The following LRRC4C variants were observed in gnomAD, a reference collection of about 807,000 sequenced individuals.
The protein encoded by LRRC4C is leucine-rich repeat-containing protein 4C.
LRRC4C carries 5 observed loss-of-function variants against 33.6 expected under a neutral mutation model. The ratio of observed to expected loss-of-function variants is 0.15; its 90% CI spans 0.08 to 0.31. The LOEUF (loss-of-function observed/expected upper bound fraction) is 0.31. Among genes scored for constraint, LRRC4C ranks in the 10% least tolerant of loss-of-function variants. The probability of loss-of-function intolerance (pLI) is 1.00; values close to 1 mark genes in which losing one functional copy is unlikely to be tolerated. For missense variants in LRRC4C, 560 were observed against 796.7 expected (o/e 0.70, Z 3.58); for synonymous variants, 329 against 302.0 (o/e 1.09, Z -0.93).
At chr11:41,304,249 T>C (rs1322075222) in intron 1 of LRRC4C, among the ~76,000 whole-genome samples, 6,641 of 45,532 alleles carry the variant, frequency 0.15, no homozygotes, top group Admixed American at 0.2. Context: ...CCCAGCCAGC[T>C]GCCCCGTCTG....
At chr11:41,091,617 A>C (rs1940422713) in intron 1 of LRRC4C, among the ~76,000 whole-genome samples, 1 of 152,142 alleles carries the variant, frequency 6.6e-6, no homozygotes, top group South Asian at 2.1e-4. Flanking sequence ...GTATACCTTG[A>C]CTACTATTTG....
rs527605922 is a variant in LRRC4C, at chr11:40,658,064, T to C, written c.-406-9786A>G. Among the ~76,000 whole-genome samples, 12 of 152,354 alleles carry C rather than the reference T, an allele frequency of 7.9e-5. No individual in the cohort carries two copies. The East Asian group carries it at 1.5e-3, about 20-fold the overall frequency. ...CCACATACCTGAATCAAAGAGTCAA[T>C]ATTTTCTAAGAAGCAAAACATCATT... is the stretch of plus-strand genomic sequence containing the variant. On this transcript the variant is annotated intron_variant, in intron 2 of 6. Coordinates refer to ENST00000528697, the MANE Select transcript of LRRC4C (RefSeq NM_001258419.2).
intron 3 of LRRC4C, among the ~76,000 whole-genome samples, chr11:40,597,168 A>C (rs1959423075): frequency 6.6e-6 from 1 of 152,168 alleles, no homozygotes; most frequent in Non-Finnish European, 1.5e-5. Flanking sequence ...AGACTATTAA[A>C]AGGGTAAATA....
At chr11:40,640,501 C>A (rs957903131) in intron 3 of LRRC4C, among the ~76,000 whole-genome samples, 1 of 151,360 alleles carries the variant, frequency 6.6e-6, no homozygotes, top group African/African-American at 2.4e-5. Context: ...ATAAACTATA[C>A]GTTTTCTATA....
At chr11:40,752,777 T>C (rs1948756204) in intron 2 of LRRC4C, among the ~76,000 whole-genome samples, 1 of 152,222 alleles carries the variant, frequency 6.6e-6, no homozygotes, top group South Asian at 2.1e-4. Context: ...TGGGAATTTA[T>C]CCAAAGGAAA....
At chr11:40,664,217 T>A (rs983962142) in intron 2 of LRRC4C, among the ~76,000 whole-genome samples, 12 of 152,282 alleles carry the variant, frequency 7.9e-5, no homozygotes, top group African/African-American at 2.6e-4. Context: ...TTATATAGCA[T>A]TTAACTACAA....
chr11:40,944,818 G>T (rs1958317123), intron 1 of LRRC4C, among the ~76,000 whole-genome samples: 1 of 152,112 alleles, frequency 6.6e-6, no homozygotes, highest in Non-Finnish European at 1.5e-5. Flanking sequence ...CCATATATTA[G>T]CATTTAACAA....
At chr11:41,090,045 C>T (rs979710366) in intron 1 of LRRC4C, among the ~76,000 whole-genome samples, 2 of 151,796 alleles carry the variant, frequency 1.3e-5, no homozygotes, top group African/African-American at 4.8e-5. Context: ...GACTAAATGT[C>T]CAAATATAGG....
chr11:41,217,767 A>G (rs1360176853), intron 1 of LRRC4C, among the ~76,000 whole-genome samples: 1 of 152,190 alleles, frequency 6.6e-6, no homozygotes, highest in Non-Finnish European at 1.5e-5. Flanking sequence ...TGTGATGAAT[A>G]TGTTAAAGAC....
At chr11:40,469,054 C>T (rs1438315557) in intron 3 of LRRC4C, among the ~76,000 whole-genome samples, 1 of 152,174 alleles carries the variant, frequency 6.6e-6, no homozygotes, top group Non-Finnish European at 1.5e-5. Context: ...AATAAAGGCA[C>T]TTATGTGTAC....
At chr11:41,034,453 CACA>C (rs1856916630) in intron 1 of LRRC4C, among the ~76,000 whole-genome samples, 2 of 146,094 alleles carry the variant, frequency 1.4e-5, no homozygotes, top group Admixed American at 6.9e-5. Flanking sequence ...CACACACACA[CACA>C]CCATATATAT....
At chr11:40,661,568 A>T (rs2136212839) in intron 2 of LRRC4C, among the ~76,000 whole-genome samples, 1 of 152,314 alleles carries the variant, frequency 6.6e-6, no homozygotes, top group South Asian at 2.1e-4. Context: ...ACCTTGAGCT[A>T]GTTACTCTCT....
At chr11:40,324,835 G>T (rs1590319954) in intron 3 of LRRC4C, among the ~76,000 whole-genome samples, 1 of 152,256 alleles carries the variant, frequency 6.6e-6, no homozygotes. Context: ...GCTTTGGATT[G>T]GGGATTCAAA....
In LRRC4C at chr11:41,392,344, T is replaced by C. The variant is rs140495681; in HGVS notation, c.-496+67087A>G. On this transcript the variant is annotated intron_variant, in intron 1 of 6. Transcript: ENST00000528697. ...ACTGTTTTTGTACAAGTGTTTAACC[T>C]GGACTTATTCTCACAACCATTTAAC... Among the ~76,000 whole-genome samples the C allele has an allele frequency of 2.3e-3, 354 of 151,982 alleles. 1 individual carries two copies. The highest frequency in any genetic ancestry group is 4.9e-3 in the Admixed American group (75 of 15,214).
chr11:40,588,994 T>C (rs1229908363), intron 3 of LRRC4C, among the ~76,000 whole-genome samples: 6 of 152,048 alleles, frequency 3.9e-5, no homozygotes, highest in African/African-American at 1.2e-4. Context: ...CTATTAGGTC[T>C]GCTTGGTGCA....
Position 40,539,384 on chromosome 11 carries a change from C to G in LRRC4C, c.-270+108758G>C, listed in dbSNP as rs140617703. Among the ~76,000 whole-genome samples the G allele has an allele frequency of 9.8e-3, 1,485 of 152,222 alleles. 17 individuals are homozygous for G. The highest frequency in any genetic ancestry group is 0.03 in the African/African-American group (1,257 of 41,538). ...TTACCTATTTCCATCTCTTTTCTAT[C>G]TGCTAGAATCCTAAAGTTCATAGAT... On this transcript the variant is annotated intron_variant, in intron 3 of 6. Transcript: ENST00000528697.
intron 2 of LRRC4C, among the ~76,000 whole-genome samples, chr11:40,783,270 GTTTTATTTTATTTTA>G (rs140877222): frequency 3.3e-5 from 5 of 150,284 alleles, no homozygotes; most frequent in Non-Finnish European, 3.0e-5. Context: ...AGTGAGCACT[GTTTTATTTTATTTTA>G]TTTTATTTTA....
At chr11:40,751,442 G>C (rs1333699117) in intron 2 of LRRC4C, among the ~76,000 whole-genome samples, 1 of 151,988 alleles carries the variant, frequency 6.6e-6, no homozygotes, top group East Asian at 1.9e-4. Flanking sequence ...GTTAACAATA[G>C]TCAGTAATGT....
intron 2 of LRRC4C, among the ~76,000 whole-genome samples, chr11:40,739,918 G>GTA (rs1948080209): frequency 6.6e-6 from 1 of 151,368 alleles, no homozygotes; most frequent in African/African-American, 2.4e-5. Context: ...ATGTGTGTGT[G>GTA]TATATATATT....
Sources: allele counts gnomAD v4.1 joint callset (sites outside exome capture counted in the v4.1 genomes callset), GRCh38; gene constraint gnomAD v4.1.1; transcripts MANE v1.5; gene names NCBI Gene and HGNC (gene_info 2026-07-23, HGNC 2026-07-21).